The following NOS1AP variants were observed in gnomAD, a reference collection of about 807,000 sequenced individuals.
NOS1AP encodes nitric oxide synthase 1 adaptor protein, also known as carboxyl-terminal PDZ ligand of neuronal nitric oxide synthase protein.
A neutral mutation model predicts 56.2 loss-of-function variants in NOS1AP; 21 were observed. The ratio of observed to expected loss-of-function variants is 0.37; its 90% CI spans 0.26 to 0.54. NOS1AP has a LOEUF of 0.54. Among genes scored for constraint, NOS1AP ranks in the 20% least tolerant of loss-of-function variants. The probability of loss-of-function intolerance (pLI) is 0.84; values close to 1 mark genes in which losing one functional copy is unlikely to be tolerated. For missense variants in NOS1AP, 522 were observed against 657.8 expected (o/e 0.79, Z 2.26); for synonymous variants, 270 against 274.6 (o/e 0.98, Z 0.17).
chr1:162,142,203 A>G (rs1300994679), intron 1 of NOS1AP, among the ~76,000 whole-genome samples: 1 of 152,246 alleles, frequency 6.6e-6, no homozygotes, highest in Non-Finnish European at 1.5e-5. Flanking sequence ...CTAAATGCCA[A>G]TCACTTCATA....
At chr1:162,359,322 C>T (rs1376711318) in intron 8 of NOS1AP, among the ~76,000 whole-genome samples, 2 of 152,198 alleles carry the variant, frequency 1.3e-5, no homozygotes, top group African/African-American at 4.8e-5. Context: ...CTTCCAAAAT[C>T]ATCAGATAGG....
rs375323794 is a variant in NOS1AP, at chr1:162,142,205, C to T, written c.106-12200C>T. ...GCTGACAGAAGATCTAAATGCCAAT[C>T]ACTTCATATGTATTATTTTATTTAA... On this transcript the variant is annotated intron_variant, in intron 1 of 9. Coordinates refer to ENST00000361897, the MANE Select transcript of NOS1AP (RefSeq NM_014697.3). 4.1e-4 allele frequency among the ~76,000 whole-genome samples: 63 copies of T among 152,334 alleles called. 2 individuals are homozygous for T. The highest frequency in any genetic ancestry group is 1.4e-3 in the African/African-American group (59 of 41,578).
In NOS1AP at chr1:162,245,573, C is replaced by G. The variant is rs879477234; in HGVS notation, c.178-41771C>G. 2.0e-5 allele frequency among the ~76,000 whole-genome samples: 3 copies of G among 152,210 alleles called. No homozygotes were observed. The South Asian group carries it at 6.2e-4, about 31-fold the overall frequency. On this transcript the variant is annotated intron_variant, in intron 2 of 9. Coordinates refer to ENST00000361897, the MANE Select transcript of NOS1AP (RefSeq NM_014697.3). Reference sequence around the variant, plus strand: ...AAGCATATGTCTGTGAAAGCAAATGCAAGCGCTTGTACATGAACCTTCATA... The same window carrying G: ...AAGCATATGTCTGTGAAAGCAAATGGAAGCGCTTGTACATGAACCTTCATA...
At chr1:162,157,402 A>G (rs1650019708) in intron 2 of NOS1AP, among the ~76,000 whole-genome samples, 1 of 152,070 alleles carries the variant, frequency 6.6e-6, no homozygotes, top group Non-Finnish European at 1.5e-5. Context: ...CCAGGCTGCT[A>G]TTTTCTTTTC....
rs113521416 is a variant in NOS1AP at position 162,316,499 on chromosome 1, T to C, written c.344+15793T>C. On this transcript the variant is annotated intron_variant, in intron 4 of 9. Coordinates refer to ENST00000361897, the MANE Select transcript of NOS1AP (RefSeq NM_014697.3). ...AGCTCTTTGCTTTAGGGCCTGATTA[T>C]CTTTTCTCGTGGATTATCTTGGCCT... is the stretch of plus-strand genomic sequence containing the variant. Among the ~76,000 whole-genome samples, 924 of 152,348 alleles carry C rather than the reference T, an allele frequency of 6.1e-3. 7 individuals carry two copies. The highest frequency in any genetic ancestry group is 0.021 in the African/African-American group (868 of 41,574).
rs142129081 is a variant in NOS1AP, at chr1:162,251,253, C to G, written c.178-36091C>G. On this transcript the variant is annotated intron_variant, in intron 2 of 9. Transcript: ENST00000361897. ...CATCTTTGGCCTAAACAATCCTGCTCTCCCACTAGGCCCTCTCAGCTCATG... is the reference window on the plus strand; with the variant it reads ...CATCTTTGGCCTAAACAATCCTGCTGTCCCACTAGGCCCTCTCAGCTCATG... 2.1e-3 allele frequency among the ~76,000 whole-genome samples: 318 copies of G among 152,270 alleles called. 2 individuals are homozygous for G. The highest frequency in any genetic ancestry group is 2.2e-3 in the Non-Finnish European group (153 of 68,010).
intron 2 of NOS1AP, among the ~76,000 whole-genome samples, chr1:162,252,261 A>G (rs1320818661): frequency 1.3e-5 from 2 of 152,022 alleles, no homozygotes; most frequent in Non-Finnish European, 2.9e-5. Flanking sequence ...TTCCTAGGCT[A>G]GTCCCAAACT....
chr1:162,251,028 C>T (rs1466112359), intron 2 of NOS1AP, among the ~76,000 whole-genome samples: 1 of 152,012 alleles, frequency 6.6e-6, no homozygotes, highest in Non-Finnish European at 1.5e-5. Context: ...GGGGAGGAGA[C>T]TTTAGGTATT....
intron 8 of NOS1AP, chr1:162,365,069 T>G: frequency 7.9e-7 from 1 of 1,268,182 alleles, no homozygotes; most frequent in Non-Finnish European, 1.0e-6. Context: ...CGTGTGTGTG[T>G]GTATATGTGC....
At chr1:162,279,720 G>A (rs1445892780) in intron 2 of NOS1AP, among the ~76,000 whole-genome samples, 1 of 152,170 alleles carries the variant, frequency 6.6e-6, no homozygotes, top group Non-Finnish European at 1.5e-5. Context: ...AATGGGGTTT[G>A]TGTGCTCATG....
chr1:162,275,571 C>T (rs923356453), intron 2 of NOS1AP, among the ~76,000 whole-genome samples: 1 of 152,194 alleles, frequency 6.6e-6, no homozygotes, highest in Non-Finnish European at 1.5e-5. Flanking sequence ...GTAGTTCATT[C>T]TCTTTCCCTG....
intron 2 of NOS1AP, among the ~76,000 whole-genome samples, chr1:162,157,493 C>A (rs1236833537): frequency 6.6e-6 from 1 of 152,204 alleles, no homozygotes; most frequent in Admixed American, 6.5e-5. Flanking sequence ...AAGGACTATT[C>A]TTGACTTTGT....
At chr1:162,225,559 G>A (rs1174312258) in intron 2 of NOS1AP, among the ~76,000 whole-genome samples, 1 of 152,184 alleles carries the variant, frequency 6.6e-6, no homozygotes, top group African/African-American at 2.4e-5. Flanking sequence ...ATTAAGTTAT[G>A]CTTTCCCTCT....
intron 4 of NOS1AP, among the ~76,000 whole-genome samples, chr1:162,311,758 G>T: frequency 6.9e-6 from 1 of 144,400 alleles, no homozygotes; most frequent in African/African-American, 2.6e-5. Context: ...ACAGTCACCA[G>T]AGTGTAATAT....
chr1:162,237,608 A>G (rs1011850510), intron 2 of NOS1AP, among the ~76,000 whole-genome samples: 8 of 152,358 alleles, frequency 5.3e-5, no homozygotes, highest in African/African-American at 1.7e-4. Context: ...CCAGAAATTA[A>G]CACAGAAAAT....
intron 2 of NOS1AP, among the ~76,000 whole-genome samples, chr1:162,267,123 C>T (rs1654448416): frequency 6.6e-6 from 1 of 151,960 alleles, no homozygotes; most frequent in Admixed American, 6.6e-5. Flanking sequence ...TTTGACACTG[C>T]CAAAGAAAGA....
intron 2 of NOS1AP, among the ~76,000 whole-genome samples, chr1:162,235,539 G>T (rs1390317415): frequency 6.6e-6 from 1 of 152,234 alleles, no homozygotes; most frequent in Non-Finnish European, 1.5e-5. Context: ...TTGCTGGTTT[G>T]TGTTTCAGGC....
intron 2 of NOS1AP, among the ~76,000 whole-genome samples, chr1:162,269,900 C>A (rs150063464): frequency 1.8e-3 from 267 of 152,040 alleles, no homozygotes; most frequent in African/African-American, 6.1e-3. Context: ...CTGTGGTCTC[C>A]CAACTAAAAT....
At chr1:162,305,036 G>A (rs1655777478) in intron 4 of NOS1AP, among the ~76,000 whole-genome samples, 1 of 151,960 alleles carries the variant, frequency 6.6e-6, no homozygotes, top group African/African-American at 2.4e-5. Flanking sequence ...TTAGACGAAT[G>A]AATTTTTAAT....
Sources: allele counts gnomAD v4.1 joint callset (sites outside exome capture counted in the v4.1 genomes callset), GRCh38; gene constraint gnomAD v4.1.1; transcripts MANE v1.5; gene names NCBI Gene and HGNC (gene_info 2026-07-23, HGNC 2026-07-21).